SLC22A24: variants seen among roughly 807,000 people sequenced by gnomAD.
SLC22A24 encodes solute carrier family 22 member 24, also known as steroid transmembrane transporter SLC22A24.
Under a neutral mutation model 49.8 loss-of-function variants are expected in SLC22A24, and 53 were observed. The ratio of observed to expected loss-of-function variants is 1.06; its 90% CI spans 0.85 to 1.34. The LOEUF (loss-of-function observed/expected upper bound fraction) is 1.34. Among genes scored for constraint, SLC22A24 ranks in the 40% most tolerant of loss-of-function variants. The pLI is 0.00. For missense variants in SLC22A24, 786 were observed against 675.9 expected (o/e 1.16, Z -1.81); for synonymous variants, 302 against 256.4 (o/e 1.18, Z -1.70).
chr11:63,119,328 G>C lies in SLC22A24; in HGVS notation c.514C>G (p.Arg172Gly), dbSNP rs4963245. Residue 172 changes from arginine (R) to glycine (G), a missense_variant, in exon 3 of 10, where the codon CGG becomes GGG. Arg to Gly is a moderately radical substitution (Grantham distance 125). Coordinates refer to ENST00000612278, the MANE Select transcript of SLC22A24 (RefSeq NM_001136506.2). ...AAACACAATTTGCATATGATCTTCC[G>C]TCCAACCCTAAGAAATATTAAACCA... ...IYGHLSDRVGRKIICKLCFLQ... is the reference protein window; with the variant it reads ...IYGHLSDRVGGKIICKLCFLQ... The C allele has an allele frequency of 0.3, 460,124 of 1,534,430 alleles. 73,514 individuals are homozygous for C. The highest frequency in any genetic ancestry group is 0.34 in the Admixed American group (15,617 of 46,248).
rs563262561 is a variant in SLC22A24, at chr11:63,132,193, A to C, written c.506+2472T>G. Among the ~76,000 whole-genome samples the C allele has an allele frequency of 2.0e-5, 3 of 152,038 alleles. No homozygotes were observed. The South Asian group carries it at 6.2e-4, about 32-fold the overall frequency. On this transcript the variant is annotated intron_variant, in intron 2 of 9. Transcript: ENST00000612278. ...TTAGCCATTCGTCTAACCTTTTTTC[A>C]AGGTTTTTAGCTTCCTTGAAATGGG... is the stretch of plus-strand genomic sequence containing the variant.
intron 7 of SLC22A24, 92 bp downstream of exon 7, chr11:63,083,151 G>T: frequency 3.0e-6 from 3 of 1,011,602 alleles, no homozygotes; most frequent in South Asian, 1.5e-5. Context: ...CAAGGGCAAT[G>T]CTGTTCTTTT....
intron 6 of SLC22A24, among the ~76,000 whole-genome samples, chr11:63,090,420 A>G (rs2087013007): frequency 6.6e-6 from 1 of 152,094 alleles, no homozygotes. Flanking sequence ...TCTTAGTGCC[A>G]CACAGCATGT....
At chr11:63,120,135 A>G (rs563429499) in intron 2 of SLC22A24, among the ~76,000 whole-genome samples, 64 of 150,636 alleles carry the variant, frequency 4.2e-4, no homozygotes, top group Non-Finnish European at 6.5e-4. Flanking sequence ...ATTAGATCCC[A>G]TTTGTCAATT....
At chr11:63,119,996 A>T (rs1430721993) in intron 2 of SLC22A24, among the ~76,000 whole-genome samples, 3 of 151,400 alleles carry the variant, frequency 2.0e-5, no homozygotes, top group African/African-American at 2.4e-5. Context: ...AATGTGTTTG[A>T]GTTCATTGTA....
At chr11:63,103,019 T>G (rs941448050) in intron 5 of SLC22A24, among the ~76,000 whole-genome samples, 1 of 152,182 alleles carries the variant, frequency 6.6e-6, no homozygotes, top group African/African-American at 2.4e-5. Context: ...ATAAGTAGGC[T>G]TGTTCACACT....
chr11:63,081,147 A>C (rs781271737), intron 8 of SLC22A24, 24 bp from the exon 9 acceptor site: 1 of 1,538,524 alleles, frequency 6.5e-7, no homozygotes, highest in East Asian at 2.4e-5. Flanking sequence ...TAACAATACA[A>C]AAAATCTTGT....
intron 1 of SLC22A24, among the ~76,000 whole-genome samples, chr11:63,138,704 C>CA (rs943781927): frequency 7.0e-6 from 1 of 143,672 alleles, no homozygotes; most frequent in African/African-American, 2.6e-5. Flanking sequence ...CTGGGAAAAG[C>CA]AATAGAAACT....
At position 63,113,894 on chromosome 11, in the gene SLC22A24, TCTCTC is replaced by T. The variant is rs2087194147; in HGVS notation, c.830+5013_830+5017del. 3.3e-5 allele frequency among the ~76,000 whole-genome samples: 5 copies of T among 149,798 alleles called. No individual in the cohort carries two copies. The South Asian group carries it at 1.1e-3, about 32-fold the overall frequency. Reference sequence around the variant, plus strand: ...AAAGGAATGTTGAATATGGGCCCCCTCTCTCTTCTGGCTTTTTGGGTTTCTGCCGA... The same window carrying T: ...AAAGGAATGTTGAATATGGGCCCCCTTTCTGGCTTTTTGGGTTTCTGCCGA... On this transcript the variant is annotated intron_variant, in intron 4 of 9. Coordinates refer to ENST00000612278, the MANE Select transcript of SLC22A24 (RefSeq NM_001136506.2).
In SLC22A24 at chr11:63,119,334, C is replaced by T. The variant is rs2087235503; in HGVS notation, c.508G>A (p.Val170Ile). The T allele has an allele frequency of 6.5e-7, 1 of 1,527,154 alleles. No homozygotes were observed. 94.6% of individuals were successfully genotyped at this position (1,527,154 alleles called of 1,614,324 possible). The change falls in exon 3 of 10, where the codon GTT (valine) becomes ATT (isoleucine). Residue 170 changes from valine (V) to isoleucine (I), a missense_variant and splice_region_variant. Val to Ile is a conservative substitution (Grantham distance 29). Coordinates refer to ENST00000612278, the MANE Select transcript of SLC22A24 (RefSeq NM_001136506.2). ...GLIYGHLSDR[V>I]GRKIICKLCF... is the part of the protein sequence containing the mutation. ...AATTTGCATATGATCTTCCGTCCAA[C>T]CCTAAGAAATATTAAACCAGATAAC...
chr11:63,122,723 T>C (rs559472327), intron 2 of SLC22A24, among the ~76,000 whole-genome samples: 1 of 152,238 alleles, frequency 6.6e-6, no homozygotes, highest in South Asian at 2.1e-4. Context: ...GGTTTCAGCA[T>C]GTTGGCCAGG....
intron 2 of SLC22A24, among the ~76,000 whole-genome samples, chr11:63,121,998 G>T (rs1431514560): frequency 4.6e-5 from 7 of 152,142 alleles, no homozygotes; most frequent in African/African-American, 1.7e-4. Flanking sequence ...TAGACATGAA[G>T]AGTTATACAA....
intron 2 of SLC22A24, among the ~76,000 whole-genome samples, chr11:63,122,250 A>G (rs1303309400): frequency 2.0e-5 from 3 of 152,164 alleles, no homozygotes; most frequent in Non-Finnish European, 4.4e-5. Context: ...CTGACCATAA[A>G]AGGTCCACTG....
chr11:63,091,687 G>A (rs969901513), intron 6 of SLC22A24, among the ~76,000 whole-genome samples: 1 of 152,074 alleles, frequency 6.6e-6, no homozygotes, highest in Non-Finnish European at 1.5e-5. Flanking sequence ...TGCAGAAAAG[G>A]CCTTTGATAA....
At chr11:63,110,174 T>A (rs1011423294) in intron 4 of SLC22A24, among the ~76,000 whole-genome samples, 5 of 151,162 alleles carry the variant, frequency 3.3e-5, no homozygotes, top group Admixed American at 3.3e-4. Flanking sequence ...GCGGCGTTAT[T>A]TCTGAGGGCT....
chr11:63,096,047 A>T lies in SLC22A24; in HGVS notation c.1014T>A (p.Phe338Leu), dbSNP rs189467728. 6.4e-7 allele frequency: 1 copy of T among 1,550,552 alleles called. No homozygotes were observed. Among genetic ancestry groups the T allele is most frequent in the South Asian group, 1.2e-5 (1 of 84,024 alleles). Reference protein sequence around the residue: ...LDAVRIKTSIFSLFRAPKLRM... With the variant: ...LDAVRIKTSILSLFRAPKLRM... ...GCAATTTGGGTGCACGGAACAGGGA[A>T]AAAATGGATGTTTTAATTCGGACTG... The change falls in exon 6 of 10, where the codon TTT becomes TTA. Residue 338 changes from phenylalanine to leucine, a missense_variant. By Grantham distance (22) the Phe-to-Leu change is conservative. Transcript: ENST00000612278.
intron 1 of SLC22A24, among the ~76,000 whole-genome samples, chr11:63,140,080 T>G (rs1485004991): frequency 2.5e-4 from 15 of 59,054 alleles, no homozygotes; most frequent in African/African-American, 6.3e-4. Context: ...TTTTTGTTTT[T>G]TTTTTTTGTT....
chr11:63,136,302 C>T (rs1180586781), intron 1 of SLC22A24, among the ~76,000 whole-genome samples: 1 of 152,178 alleles, frequency 6.6e-6, no homozygotes, highest in Non-Finnish European at 1.5e-5. Flanking sequence ...TCCACTACAG[C>T]TTTCTGAATC....
intron 4 of SLC22A24, among the ~76,000 whole-genome samples, chr11:63,116,510 C>T (rs528504386): frequency 6.6e-6 from 1 of 151,890 alleles, no homozygotes; most frequent in Non-Finnish European, 1.5e-5. Context: ...GTTAGCTTTT[C>T]TTTTGATGGT....
Sources: gnomAD v4.1 joint callset for allele counts (sites outside exome capture counted in the v4.1 genomes callset) on GRCh38, gnomAD v4.1.1 for gene constraint, MANE v1.5 for transcripts, NCBI Gene and HGNC (gene_info 2026-07-23, HGNC 2026-07-21) for gene names.